The following ROBO2 variants were observed in gnomAD, a reference collection of about 807,000 sequenced individuals.
The protein encoded by ROBO2 is roundabout homolog 2.
ROBO2 carries 53 observed loss-of-function variants against 160.8 expected under a neutral mutation model. That is an observed-to-expected ratio of 0.33 (90% confidence interval 0.26 to 0.41). ROBO2 has a LOEUF of 0.41. Ranked by LOEUF, ROBO2 falls within the 10% of genes least tolerant of loss-of-function variation. The pLI is 1.00. For synonymous variants in ROBO2, 664 were observed against 611.7 expected (o/e 1.09, Z -1.26); for missense variants, 1,577 against 1,722.4 (o/e 0.92, Z 1.49).
intron 2 of ROBO2, among the ~76,000 whole-genome samples, chr3:76,075,549 A>T (rs2068621348): frequency 1.3e-5 from 2 of 152,050 alleles, no homozygotes; most frequent in African/African-American, 2.4e-5. Context: ...TGCAAAACTA[A>T]TTTAAAATTT....
rs186742023 is a variant in ROBO2 at position 76,363,112 on chromosome 3, A to G, written c.109+425510A>G. Among the ~76,000 whole-genome samples, 7 of 152,230 alleles carry G rather than the reference A, an allele frequency of 4.6e-5. No homozygotes were observed. In the East Asian group the frequency reaches 1.4e-3, roughly 30 times the overall value. ...TTCATTTTGATCAAATGATCTAAGT[A>G]GATGAGGAAATAATACAGCAGGTAG... On this transcript the variant is annotated intron_variant, in intron 2 of 26. Transcript: ENST00000487694.
At chr3:76,664,054 A>C (rs2091928861) in intron 2 of ROBO2, among the ~76,000 whole-genome samples, 1 of 152,204 alleles carries the variant, frequency 6.6e-6, no homozygotes, top group Admixed American at 6.5e-5. Flanking sequence ...AGTTCCAGGC[A>C]AAAGGGACCA....
At position 76,501,645 on chromosome 3, in the gene ROBO2, GA is replaced by G. The variant is rs556768687; in HGVS notation, c.109+564044del. On this transcript the variant is annotated intron_variant, in intron 2 of 26. Coordinates refer to the ROBO2 transcript ENST00000487694. ...AGAGCCAGAATTTGAACTCAATTTT[GA>G]CCAGAATTCAGAGCCTGTATTTTAA... Among the ~76,000 whole-genome samples the G allele has an allele frequency of 9.9e-5, 15 of 152,260 alleles. No individual in the cohort carries two copies. In the East Asian group the frequency reaches 2.9e-3, roughly 29 times the overall value.
intron 2 of ROBO2, among the ~76,000 whole-genome samples, chr3:76,494,216 G>A (rs1010941004): frequency 1.3e-5 from 2 of 152,120 alleles, no homozygotes; most frequent in Non-Finnish European, 2.9e-5. Context: ...AAAAATGAAG[G>A]AAGTACTGAT....
At chr3:76,823,878 T>C (rs958550304) in intron 2 of ROBO2, among the ~76,000 whole-genome samples, 3 of 152,156 alleles carry the variant, frequency 2.0e-5, no homozygotes, top group African/African-American at 7.2e-5. Flanking sequence ...ATAGTGACTT[T>C]CCCTGATTAG....
intron 2 of ROBO2, among the ~76,000 whole-genome samples, chr3:76,947,251 A>C: frequency 6.6e-6 from 1 of 152,050 alleles, no homozygotes; most frequent in East Asian, 1.9e-4. Flanking sequence ...TCTATTTAGT[A>C]CTTTAATTCT....
chr3:76,943,924 C>G (rs2078354271), intron 2 of ROBO2, among the ~76,000 whole-genome samples: 2 of 152,150 alleles, frequency 1.3e-5, no homozygotes, highest in Middle Eastern at 3.2e-3. Context: ...GGTAATGTGA[C>G]TAATAAATTA....
chr3:77,417,451 A>T (rs2077347492), intron 2 of ROBO2, among the ~76,000 whole-genome samples: 1 of 147,988 alleles, frequency 6.8e-6, no homozygotes, highest in South Asian at 2.1e-4. Context: ...ATATATGCCC[A>T]GTGGAAAATG....
rs1035056070 is a variant in ROBO2 at position 77,240,373 on chromosome 3, C to T, written c.388+142033C>T. ...CCCGGAGCCGTCAGTGCCAGTCGCC[C>T]GCTCCGAGTGGGCCCGCCGAGCCCA... is the stretch of plus-strand genomic sequence containing the variant. On this transcript the variant is annotated intron_variant, in intron 2 of 25. Coordinates refer to ENST00000461745, the Ensembl canonical transcript of ROBO2. 7.2e-5 allele frequency among the ~76,000 whole-genome samples: 11 copies of T among 152,298 alleles called. No homozygotes were observed. In the East Asian group the frequency reaches 7.8e-4, roughly 11 times the overall value.
At chr3:76,405,868 C>T (rs1156583521) in intron 2 of ROBO2, among the ~76,000 whole-genome samples, 1 of 151,612 alleles carries the variant, frequency 6.6e-6, no homozygotes, top group Non-Finnish European at 1.5e-5. Flanking sequence ...ATAATCATGC[C>T]TTTTGAAAAT....
intron 2 of ROBO2, among the ~76,000 whole-genome samples, chr3:75,980,890 G>A (rs576285780): frequency 2.3e-5 from 3 of 127,680 alleles, no homozygotes; most frequent in Non-Finnish European, 5.1e-5. Flanking sequence ...CATGCATTAT[G>A]AGATACACAT....
At chr3:76,653,668 A>G (rs972916085) in intron 2 of ROBO2, among the ~76,000 whole-genome samples, 4 of 152,134 alleles carry the variant, frequency 2.6e-5, no homozygotes, top group Admixed American at 2.6e-4. Flanking sequence ...CAGATATGCT[A>G]ATAACTCCAT....
intron 2 of ROBO2, among the ~76,000 whole-genome samples, chr3:76,087,175 C>A (rs905705996): frequency 1.6e-4 from 25 of 151,690 alleles, no homozygotes; most frequent in African/African-American, 5.6e-4. Context: ...TCAGAGAACA[C>A]CAAGAAGGAT....
At chr3:76,114,286 C>T (rs1439730320) in intron 2 of ROBO2, among the ~76,000 whole-genome samples, 4 of 152,096 alleles carry the variant, frequency 2.6e-5, no homozygotes, top group African/African-American at 9.7e-5. Flanking sequence ...AATATCTAAA[C>T]TTTAAGTGTT....
chr3:77,193,116 C>T (rs946848098), intron 2 of ROBO2, among the ~76,000 whole-genome samples: 1 of 151,746 alleles, frequency 6.6e-6, no homozygotes, highest in Non-Finnish European at 1.5e-5. Flanking sequence ...AAAATCAAAG[C>T]CAGAGGGAGT....
At chr3:76,225,876 A>G (rs1490813796) in intron 2 of ROBO2, among the ~76,000 whole-genome samples, 1 of 152,206 alleles carries the variant, frequency 6.6e-6, no homozygotes, top group Non-Finnish European at 1.5e-5. Context: ...ACATTGCAAG[A>G]TACATTAACT....
At chr3:77,425,450 T>C (rs904040255) in intron 2 of ROBO2, among the ~76,000 whole-genome samples, 4 of 152,022 alleles carry the variant, frequency 2.6e-5, no homozygotes, top group African/African-American at 7.2e-5. Flanking sequence ...GGGTGATACA[T>C]AAACTTAGAG....
intron 2 of ROBO2, among the ~76,000 whole-genome samples, chr3:77,301,880 C>CT (rs540906873): frequency 0.045 from 6,575 of 145,688 alleles, 461 homozygotes; most frequent in African/African-American, 0.15. Context: ...CTTCAATTTC[C>CT]TTTTTTTTTT....
At chr3:77,586,161 C>T (rs2094042655) in intron 16 of ROBO2, among the ~76,000 whole-genome samples, 1 of 152,106 alleles carries the variant, frequency 6.6e-6, no homozygotes, top group Admixed American at 6.6e-5. Context: ...ATGACTTTTA[C>T]ATCATAGTGT....
Sources: gnomAD v4.1 joint callset for allele counts (sites outside exome capture counted in the v4.1 genomes callset) on GRCh38, gnomAD v4.1.1 for gene constraint, MANE v1.5 for transcripts, NCBI Gene and HGNC (gene_info 2026-07-23, HGNC 2026-07-21) for gene names.